Variants in TMEM117 observed in about 807,000 individuals in gnomAD.
The protein encoded by TMEM117 is transmembrane protein 117.
A neutral mutation model predicts 52.4 loss-of-function variants in TMEM117; 27 were observed. The ratio of observed to expected loss-of-function variants is 0.51; its 90% CI spans 0.38 to 0.71. TMEM117 has a LOEUF of 0.71. TMEM117 is among the 30% of genes least tolerant of loss of function. TMEM117 has a pLI of 0.00. For missense variants in TMEM117, 556 were observed against 630.5 expected, an observed-to-expected ratio of 0.88 and a Z score of 1.26; for synonymous variants, 215 against 206.3, an observed-to-expected ratio of 1.04 and a Z score of -0.36.
At chr12:43,920,027 A>G (rs7971487) in intron 2 of TMEM117, among the ~76,000 whole-genome samples, 25,645 of 151,152 alleles carry the variant, frequency 0.17, 3,344 homozygotes, top group African/African-American at 0.36. Context: ...TCCAGATTCA[A>G]TCTTCTCCCT....
chr12:44,311,195 A>G (rs979540234), intron 6 of TMEM117, among the ~76,000 whole-genome samples: 3 of 152,078 alleles, frequency 2.0e-5, no homozygotes, highest in African/African-American at 7.2e-5. Flanking sequence ...ATATATATGT[A>G]TATACATATA....
At chr12:43,799,652 ATCC>A in the TMEM117 span, 8 of 514,726 alleles carry the variant, frequency 1.6e-5, no homozygotes, top group Non-Finnish European at 2.7e-5. Context: ...CTTTTCTTTA[ATCC>A]TCAATTTTAA....
chr12:44,227,874 A>T (rs760822356), intron 5 of TMEM117, among the ~76,000 whole-genome samples: 1 of 152,148 alleles, frequency 6.6e-6, no homozygotes, highest in Non-Finnish European at 1.5e-5. Flanking sequence ...AAGGCCCAGG[A>T]TAGATTCTGC....
chr12:44,068,218 T>G (rs967252511), intron 3 of TMEM117, among the ~76,000 whole-genome samples: 4 of 152,206 alleles, frequency 2.6e-5, no homozygotes, highest in Admixed American at 1.3e-4. Context: ...CACTAAAACT[T>G]TCTCCAAATC....
chr12:44,281,796 G>A (rs559331240), intron 5 of TMEM117, among the ~76,000 whole-genome samples: 2 of 152,238 alleles, frequency 1.3e-5, no homozygotes, highest in Admixed American at 6.5e-5. Context: ...GGCATTGTCT[G>A]TATTAATGGG....
chr12:44,254,192 G>T (rs1021899250), intron 5 of TMEM117, among the ~76,000 whole-genome samples: 1 of 151,916 alleles, frequency 6.6e-6, no homozygotes, highest in South Asian at 2.1e-4. Flanking sequence ...TTTATATATT[G>T]AACTACATAA....
chr12:44,291,034 C>T (rs550463064), intron 5 of TMEM117, among the ~76,000 whole-genome samples: 50 of 152,118 alleles, frequency 3.3e-4, no homozygotes, highest in African/African-American at 1.0e-3. Context: ...TGAAAAATGC[C>T]ATTGGAATTT....
intron 2 of TMEM117, among the ~76,000 whole-genome samples, chr12:43,935,411 A>G (rs1246585458): frequency 6.6e-6 from 1 of 152,164 alleles, no homozygotes; most frequent in Non-Finnish European, 1.5e-5. Flanking sequence ...CAGCCATAAG[A>G]AATAGGGATT....
At chr12:44,124,519 G>T (rs1373849950) in intron 3 of TMEM117, among the ~76,000 whole-genome samples, 1 of 152,146 alleles carries the variant, frequency 6.6e-6, no homozygotes, top group Non-Finnish European at 1.5e-5. Flanking sequence ...TGCCCATTCA[G>T]TATGATATTG....
chr12:43,964,206 G>A (rs1037126514), intron 3 of TMEM117, among the ~76,000 whole-genome samples: 1 of 152,016 alleles, frequency 6.6e-6, no homozygotes, highest in Non-Finnish European at 1.5e-5. Flanking sequence ...GTCAGTAATT[G>A]AACATTCTGC....
At chr12:43,926,662 C>G (rs1449984229) in intron 2 of TMEM117, among the ~76,000 whole-genome samples, 1 of 152,148 alleles carries the variant, frequency 6.6e-6, no homozygotes, top group Non-Finnish European at 1.5e-5. Flanking sequence ...GGTGCTTGCA[C>G]TACTGAACAG....
intron 3 of TMEM117, among the ~76,000 whole-genome samples, chr12:44,118,701 T>C (rs984056547): frequency 1.4e-4 from 21 of 152,226 alleles, no homozygotes; most frequent in Admixed American, 2.6e-4. Flanking sequence ...CATGATATCT[T>C]ATTTTATTAA....
At chr12:44,246,613 T>TA (rs1950133318) in intron 5 of TMEM117, among the ~76,000 whole-genome samples, 2 of 152,278 alleles carry the variant, frequency 1.3e-5, no homozygotes, top group Non-Finnish European at 2.9e-5. Context: ...GAAAACACAC[T>TA]TTTTCTTTTA....
chr12:43,827,797 T>C, the TMEM117 span, among the ~76,000 whole-genome samples: 1 of 152,024 alleles, frequency 6.6e-6, no homozygotes. Context: ...GGAAATAGAG[T>C]CTTTGCAGGT....
chr12:44,284,810 A>ATT (rs11421335), intron 5 of TMEM117, among the ~76,000 whole-genome samples: 18 of 151,960 alleles, frequency 1.2e-4, no homozygotes, highest in African/African-American at 2.9e-4. Context: ...TCTACTAGGT[A>ATT]TTTTTTTTCT....
chr12:43,994,541 C>A (rs1456618961), intron 3 of TMEM117, among the ~76,000 whole-genome samples: 1 of 152,020 alleles, frequency 6.6e-6, no homozygotes, highest in Non-Finnish European at 1.5e-5. Context: ...AACAAACATG[C>A]AAATAAACAA....
intron 5 of TMEM117, among the ~76,000 whole-genome samples, chr12:44,247,068 C>G (rs1213862854): frequency 2.0e-5 from 3 of 152,186 alleles, no homozygotes; most frequent in Admixed American, 1.3e-4. Flanking sequence ...ATTTGGCACT[C>G]TTAAGAGTAT....
At chr12:44,165,039 C>G (rs184791888) in intron 4 of TMEM117, among the ~76,000 whole-genome samples, 2 of 151,796 alleles carry the variant, frequency 1.3e-5, no homozygotes, top group Non-Finnish European at 2.9e-5. Flanking sequence ...ACATTTGTAC[C>G]CATTAACCAA....
chr12:44,138,161 A>G (rs886643952), intron 3 of TMEM117, among the ~76,000 whole-genome samples: 1 of 152,118 alleles, frequency 6.6e-6, no homozygotes, highest in African/African-American at 2.4e-5. Context: ...CTGCTTCTCC[A>G]GTATGCCCTG....
Sources: gnomAD v4.1 joint callset for allele counts (sites outside exome capture counted in the v4.1 genomes callset) on GRCh38, gnomAD v4.1.1 for gene constraint, MANE v1.5 for transcripts, NCBI Gene and HGNC (gene_info 2026-07-23, HGNC 2026-07-21) for gene names.